The following DMXL2 variants were observed in gnomAD, a reference collection of about 807,000 sequenced individuals.
DMXL2 encodes the protein Dmx like 2.
In DMXL2, 103 loss-of-function variants were observed where a neutral mutation model predicts 331.1. The ratio of observed to expected loss-of-function variants is 0.31; its 90% confidence interval spans 0.27 to 0.37. The LOEUF is 0.37. DMXL2 is among the 10% of genes least tolerant of loss of function. The pLI is 1.00. For missense variants in DMXL2, 3,171 were observed against 3,642.9 expected, an observed-to-expected ratio of 0.87 and a Z score of 3.33; for synonymous variants, 1,281 against 1,252.1, an observed-to-expected ratio of 1.02 and a Z score of -0.49.
In DMXL2 at chr15:51,498,991, G is replaced by A. The variant is rs141205857; in HGVS notation, c.4233C>T (p.Thr1411=). ...AATCTCGAGTACCATCTTTTCCTACGGTGACTGTTTCCTTTGCTGTACTGC... is the reference window on the plus strand; with the variant it reads ...AATCTCGAGTACCATCTTTTCCTACAGTGACTGTTTCCTTTGCTGTACTGC... ...VSGSTAKETV[T]VGKDGTRDYT... The change falls in exon 18 of 44, where the codon ACC becomes ACT. Residue 1411 remains threonine (T), a synonymous_variant. Transcript: ENST00000560891. 83 of 1,613,904 alleles carry A rather than the reference G, an allele frequency of 5.1e-5. No individual in the cohort carries two copies. In the African/African-American group the frequency reaches 7.3e-4, roughly 14 times the overall value.
rs774915819 is a variant in DMXL2, at chr15:51,463,452, A to G, written c.7853T>C (p.Phe2618Ser). 1 of 1,601,022 alleles carries G rather than the reference A, an allele frequency of 6.2e-7. No homozygotes were observed. Among genetic ancestry groups the G allele is most frequent in the Non-Finnish European group, 8.5e-7 (1 of 1,176,034 alleles). The change falls in exon 33 of 44, where the codon TTC becomes TCC. Residue 2618 changes from phenylalanine (F) to serine (S), a missense_variant. By Grantham distance (155) the Phe-to-Ser change is radical (BLOSUM62 -2). Coordinates refer to ENST00000560891, the MANE Select transcript of DMXL2 (RefSeq NM_001378457.1). ...TTGAAGGACCTCTTGTTTAACAAGG[A>G]AATGCCAAAGTCGTTTGACTGGAAA... ...SAFPVKRLWH[F>S]LVKQEVLQET... is the part of the protein sequence containing the mutation.
In DMXL2 at chr15:51,488,710, A is replaced by G. The variant is rs1393219845; in HGVS notation, c.4954-65T>C. Reference sequence around the variant, plus strand: ...AAGAATTACAATCAATTAATCAACAATAATGTTCCCCTGCTACTTCCATGG... The same window carrying G: ...AAGAATTACAATCAATTAATCAACAGTAATGTTCCCCTGCTACTTCCATGG... On this transcript the variant is annotated intron_variant, in intron 20 of 43. Coordinates refer to ENST00000560891, the MANE Select transcript of DMXL2 (RefSeq NM_001378457.1). 5.1e-6 allele frequency: 7 copies of G among 1,385,722 alleles called. No individual in the cohort carries two copies. The Middle Eastern group carries it at 5.5e-4, about 108-fold the overall frequency. The allele number at this position is 1,385,722 out of a possible 1,614,324, so 85.8% of individuals were successfully genotyped here.
chr15:51,467,779 C>T (rs376410963), intron 29 of DMXL2, among the ~76,000 whole-genome samples: 12 of 149,818 alleles, frequency 8.0e-5, no homozygotes, highest in Non-Finnish European at 1.5e-4. Context: ...CAGGCTAGAG[C>T]GCAGTGGCAC....
intron 6 of DMXL2, among the ~76,000 whole-genome samples, chr15:51,552,364 G>A (rs1047837828): frequency 5.9e-5 from 9 of 152,196 alleles, no homozygotes; most frequent in Non-Finnish European, 7.3e-5. Context: ...CTGCAGCCCC[G>A]AAGATGCTGA....
In DMXL2 at chr15:51,486,380, T is replaced by A. The variant is rs1244829474; in HGVS notation, c.5218-43A>T. 3 of 1,387,934 alleles carry A rather than the reference T, an allele frequency of 2.2e-6. No individual in the cohort carries two copies. The South Asian group carries it at 4.0e-5, about 19-fold the overall frequency. The allele number at this position is 1,387,934 out of a possible 1,614,324, so 86.0% of individuals were successfully genotyped here. A position where few individuals can be genotyped will look rare whatever the true frequency, so the allele number is the denominator to read the frequency against. On this transcript the variant is annotated intron_variant, in intron 22 of 43. Coordinates refer to ENST00000560891, the MANE Select transcript of DMXL2 (RefSeq NM_001378457.1). The stretch of plus-strand genomic sequence containing the variant: ...AATACTTATCTTACTTAATGATAAT[T>A]ATTTAGAGAGATGAAATATCCCATC...
chr15:51,556,396 G>A (rs1165703204), intron 6 of DMXL2, among the ~76,000 whole-genome samples: 1 of 148,722 alleles, frequency 6.7e-6, no homozygotes, highest in Non-Finnish European at 1.5e-5. Flanking sequence ...AATCCAGCAA[G>A]GATAACACAT....
chr15:51,480,393 G>A, intron 24 of DMXL2, 149 bp downstream of exon 24: 2 of 1,011,410 alleles, frequency 2.0e-6, no homozygotes, highest in East Asian at 5.3e-5. Flanking sequence ...AAGACACATA[G>A]AGTATAAATA....
At chr15:51,516,484 G>A (rs1238632579) in intron 14 of DMXL2, among the ~76,000 whole-genome samples, 1 of 152,184 alleles carries the variant, frequency 6.6e-6, no homozygotes, top group Non-Finnish European at 1.5e-5. Flanking sequence ...GTTGAAAAGA[G>A]TAATAATATA....
chr15:51,564,534 C>T (rs945127377), intron 4 of DMXL2, among the ~76,000 whole-genome samples: 2 of 151,842 alleles, frequency 1.3e-5, no homozygotes, highest in Admixed American at 6.6e-5. Context: ...AAACTAACAA[C>T]AAATGTATTA....
At chr15:51,538,714 G>A (rs867573009) in intron 9 of DMXL2, among the ~76,000 whole-genome samples, 2 of 151,912 alleles carry the variant, frequency 1.3e-5, no homozygotes, top group East Asian at 1.9e-4. Context: ...TGGGGACAGG[G>A]GATGAAAAAT....
chr15:51,592,273 C>T (rs1184561414), intron 1 of DMXL2, among the ~76,000 whole-genome samples: 1 of 152,002 alleles, frequency 6.6e-6, no homozygotes, highest in Non-Finnish European at 1.5e-5. Context: ...GACGAATGCA[C>T]AAGCCTCAGT....
chr15:51,535,533 A>G (rs2048240158), intron 13 of DMXL2, 130 bp downstream of exon 13: 1 of 738,838 alleles, frequency 1.4e-6, no homozygotes, highest in East Asian at 3.1e-5. Flanking sequence ...TGTGTCATAT[A>G]TATGTCATAT....
chr15:51,596,307 G>A (rs1408339041), intron 1 of DMXL2, among the ~76,000 whole-genome samples: 1 of 152,094 alleles, frequency 6.6e-6, no homozygotes, highest in Non-Finnish European at 1.5e-5. Context: ...GCAGCCAAAA[G>A]ACACATGAAA....
At chr15:51,576,859 T>C (rs4775952) in intron 1 of DMXL2, among the ~76,000 whole-genome samples, 76,090 of 151,884 alleles carry the variant, frequency 0.5, 19,240 homozygotes, top group Non-Finnish European at 0.52. Context: ...AGAAAATGAA[T>C]GAATTTATAT....
intron 14 of DMXL2, among the ~76,000 whole-genome samples, chr15:51,515,082 T>C (rs1266408256): frequency 6.6e-6 from 1 of 152,144 alleles, no homozygotes; most frequent in African/African-American, 2.4e-5. Flanking sequence ...AGGGATCCTA[T>C]AACAGCCAGC....
intron 2 of DMXL2, 102 bp from the exon 3 acceptor site, chr15:51,568,660 C>T (rs901120677): frequency 7.9e-6 from 6 of 755,166 alleles, no homozygotes; most frequent in African/African-American, 3.7e-5. Context: ...AATCTCAATA[C>T]AGTATTCATG....
rs1024850626 is a variant in DMXL2, at chr15:51,483,061, G to A, written c.5483-1438C>T. Among the ~76,000 whole-genome samples the A allele has an allele frequency of 2.0e-5, 3 of 152,162 alleles. No homozygotes were observed. In the South Asian group the frequency reaches 6.2e-4, roughly 32 times the overall value. ...GAACTTCTCATTGCAGAGGGGAAAA[G>A]GTAAACAGAAGATCCCCATCAGCCC... is the stretch of plus-strand genomic sequence containing the variant. On this transcript the variant is annotated intron_variant, in intron 23 of 43. Transcript: ENST00000560891.
At chr15:51,456,407 G>A in intron 37 of DMXL2, 38 bp from the exon 38 acceptor site, 1 of 1,272,756 alleles carries the variant, frequency 7.9e-7, no homozygotes, top group Non-Finnish European at 1.1e-6. Flanking sequence ...TTTTGTGTAT[G>A]CAGAAAAGAT....
In DMXL2 at chr15:51,535,819, C is replaced by T. The variant is rs768421466; in HGVS notation, c.2315-35G>A. The T allele has an allele frequency of 7.7e-6, 12 of 1,564,462 alleles. 1 individual carries two copies. In the East Asian group the frequency reaches 9.2e-5, roughly 12 times the overall value. ...GAAAACAAGGCCTCTGGGTTCTAAA[C>T]ATGTAGTGTATTTTTCTTATTGGCT... On this transcript the variant is annotated intron_variant, in intron 12 of 43. Coordinates refer to ENST00000560891, the MANE Select transcript of DMXL2 (RefSeq NM_001378457.1).
Sources: allele counts gnomAD v4.1 joint callset (sites outside exome capture counted in the v4.1 genomes callset), GRCh38; gene constraint gnomAD v4.1.1; transcripts MANE v1.5; gene names NCBI Gene and HGNC (gene_info 2026-07-23, HGNC 2026-07-21).